The following EPHB2 variants were observed in gnomAD, a reference collection of about 807,000 sequenced individuals.
EPHB2 encodes ephrin type-B receptor 2.
In EPHB2, 18 loss-of-function variants were observed where a neutral mutation model predicts 96.4. The observed-to-expected ratio is 0.19, with a 90% CI of 0.13 to 0.28. The LOEUF is 0.28. Ranked by LOEUF, EPHB2 falls within the 10% of genes least tolerant of loss-of-function variation. EPHB2 has a pLI of 1.00. For synonymous variants in EPHB2, 506 were observed against 534.1 expected (o/e 0.95, Z 0.72); for missense variants, 989 against 1,355.4 (o/e 0.73, Z 4.25).
At chr1:22,728,844 T>G (rs1220746355) in intron 1 of EPHB2, among the ~76,000 whole-genome samples, 1 of 152,224 alleles carries the variant, frequency 6.6e-6, no homozygotes, top group Non-Finnish European at 1.5e-5. Context: ...ACTTGCTTCC[T>G]TAGGGGCCCT....
rs377206396 is a variant in EPHB2, at chr1:22,913,748, G to A, written c.*178G>A. 1.5e-4 allele frequency: 237 copies of A among 1,601,574 alleles called. No individual in the cohort carries two copies. Among genetic ancestry groups the A allele is most frequent in the Middle Eastern group, 5.0e-4 (3 of 6,056 alleles). Reference sequence around the variant, plus strand: ...CACCAAGAAAACATGCAACTCAAACGACGGAAAAAAAAAGGGAATGGGAAA... The same window carrying A: ...CACCAAGAAAACATGCAACTCAAACAACGGAAAAAAAAAGGGAATGGGAAA... On this transcript the variant is annotated 3_prime_UTR_variant, in exon 16 of 16. Coordinates refer to ENST00000374630, the MANE Select transcript of EPHB2 (RefSeq NM_017449.5). This position sits in a 1 kb window ranked among gnomAD's most constrained non-coding sequence, Gnocchi z 4.1.
intron 3 of EPHB2, among the ~76,000 whole-genome samples, chr1:22,851,939 G>C (rs1224816334): frequency 6.6e-6 from 1 of 152,222 alleles, no homozygotes; most frequent in Non-Finnish European, 1.5e-5. Context: ...TCAGTGCCCT[G>C]AGCACTTTTA....
intron 1 of EPHB2, chr1:22,775,374 T>A: frequency 1.4e-6 from 1 of 693,820 alleles, no homozygotes; most frequent in Non-Finnish European, 2.7e-6. Flanking sequence ...TATAGGTGCT[T>A]AATGAAAGTT....
At chr1:22,732,957 G>A (rs1643750116) in intron 1 of EPHB2, among the ~76,000 whole-genome samples, 4 of 152,228 alleles carry the variant, frequency 2.6e-5, no homozygotes, top group African/African-American at 9.6e-5. Context: ...TCAAAGAGAT[G>A]AAAGGATTTG....
At chr1:22,817,154 C>T (rs751022) in intron 3 of EPHB2, among the ~76,000 whole-genome samples, 32,579 of 152,152 alleles carry the variant, frequency 0.21, 3,584 homozygotes, top group South Asian at 0.33. Context: ...CAGGCCTGCT[C>T]CCTCCACAGG....
At chr1:22,754,530 CAG>C (rs1644113250) in intron 1 of EPHB2, among the ~76,000 whole-genome samples, 1 of 151,582 alleles carries the variant, frequency 6.6e-6, no homozygotes, top group Non-Finnish European at 1.5e-5. Context: ...CTCAGGGGAC[CAG>C]AGAGGGGCCC....
chr1:22,764,229 C>T (rs992638476), intron 1 of EPHB2, among the ~76,000 whole-genome samples: 3 of 152,066 alleles, frequency 2.0e-5, no homozygotes, highest in Non-Finnish European at 4.4e-5. Context: ...TCATAACATC[C>T]GCTTATTGAG....
In EPHB2 at chr1:22,875,589, C is replaced by A. The variant is rs1158319137; in HGVS notation, c.1304-6770C>A. ...CAGAAAAGGGGAGAATCTGTCTGGT[C>A]CCCGCTTTTCCCTTTCTCCCTTCCT... On this transcript the variant is annotated intron_variant, in intron 5 of 15. Coordinates refer to ENST00000374630, the MANE Select transcript of EPHB2 (RefSeq NM_017449.5). The surrounding 1 kb of genome is among the most constrained non-coding windows in gnomAD (Gnocchi z 4.2). Among the ~76,000 whole-genome samples the A allele has an allele frequency of 6.6e-6, 1 of 152,152 alleles. No individual in the cohort carries two copies. The highest frequency in any genetic ancestry group is 1.9e-4 in the East Asian group (1 of 5,184).
intron 11 of EPHB2, 130 bp from the exon 12 acceptor site, chr1:22,907,823 T>A: frequency 1.7e-6 from 2 of 1,144,962 alleles, no homozygotes; most frequent in Non-Finnish European, 1.3e-6. Context: ...CCAAAGCATC[T>A]GAGTCCTTCC....
intron 3 of EPHB2, among the ~76,000 whole-genome samples, chr1:22,813,693 G>A (rs1158348779): frequency 6.6e-6 from 1 of 152,230 alleles, no homozygotes; most frequent in African/African-American, 2.4e-5. Context: ...CACAGCAAGT[G>A]ACTTCACTCT....
At chr1:22,770,157 G>A (rs184768888) in intron 1 of EPHB2, among the ~76,000 whole-genome samples, 10 of 152,134 alleles carry the variant, frequency 6.6e-5, no homozygotes, top group Non-Finnish European at 1.3e-4. Context: ...GTACACGGGC[G>A]GGCAGATGGA....
Position 22,785,048 on chromosome 1 carries a change from G to A in EPHB2, c.783G>A (p.Glu261=). 2 of 1,613,648 alleles carry A rather than the reference G, an allele frequency of 1.2e-6. No individual in the cohort carries two copies. Among genetic ancestry groups the A allele is most frequent in the Non-Finnish European group, 1.7e-6 (2 of 1,180,048 alleles). ...GCTGCATGTGCAAAGCAGGCTTCGA[G>A]GCCGTTGAGAATGGCACCGTCTGCC... ...IGRCMCKAGF[E]AVENGTVCRG... The change falls in exon 3 of 16, where the codon GAG becomes GAA. Residue 261 remains glutamate, a synonymous_variant. Transcript: ENST00000374630.
intron 3 of EPHB2, among the ~76,000 whole-genome samples, chr1:22,813,184 G>C (rs1184225270): frequency 6.6e-6 from 1 of 152,152 alleles, no homozygotes; most frequent in African/African-American, 2.4e-5. Flanking sequence ...AGGTTCTCTT[G>C]TTTTGAGGTG....
chr1:22,763,476 C>T (rs931950311), intron 1 of EPHB2, among the ~76,000 whole-genome samples: 14 of 152,088 alleles, frequency 9.2e-5, no homozygotes, highest in Admixed American at 2.6e-4. Flanking sequence ...GACAGGCACA[C>T]GGTGGAGGTG....
chr1:22,879,967 G>A (rs17436434), intron 5 of EPHB2, among the ~76,000 whole-genome samples: 2,897 of 152,296 alleles, frequency 0.019, 152 homozygotes, highest in Admixed American at 0.11. Context: ...CATCTGGAGT[G>A]TCTCGGGACA....
In EPHB2 at chr1:22,917,395, G is replaced by C. The variant is rs1437245656; in HGVS notation, c.*3825G>C. The C allele has an allele frequency of 6.6e-6, 1 of 152,260 alleles. No individual in the cohort carries two copies. Among genetic ancestry groups the C allele is most frequent in the Non-Finnish European group, 1.5e-5 (1 of 68,070 alleles). The allele number at this position is 152,260 out of a possible 1,614,324, so 9.4% of individuals were successfully genotyped here. A position where few individuals can be genotyped will look rare whatever the true frequency, so the allele number is the denominator to read the frequency against. On this transcript the variant is annotated 3_prime_UTR_variant, in exon 16 of 16. Transcript: ENST00000374630. ...CACTCCAGGGCCCCTGTTGTTTGAA[G>C]ATGGTACCAAAGGCTGGAAGACTCT... is the stretch of plus-strand genomic sequence containing the variant.
chr1:22,827,431 G>T (rs183674683), intron 3 of EPHB2, among the ~76,000 whole-genome samples: 2 of 152,296 alleles, frequency 1.3e-5, no homozygotes, highest in Admixed American at 6.5e-5. Flanking sequence ...TCTCCGCAAG[G>T]GTCCAGTGGC....
chr1:22,746,708 G>A (rs540453353), intron 1 of EPHB2, among the ~76,000 whole-genome samples: 88 of 152,300 alleles, frequency 5.8e-4, no homozygotes, highest in African/African-American at 1.9e-3. Flanking sequence ...CCTTCTGCAC[G>A]GGAGGCCTCA....
At chr1:22,800,702 ATG>A (rs59671872) in intron 3 of EPHB2, among the ~76,000 whole-genome samples, 2,224 of 148,750 alleles carry the variant, frequency 0.015, 50 homozygotes, top group African/African-American at 0.048. Flanking sequence ...GTGTGAGTAT[ATG>A]TGTGTGTGTG....
Sources: allele counts gnomAD v4.1 joint callset (sites outside exome capture counted in the v4.1 genomes callset), GRCh38; gene constraint gnomAD v4.1.1; non-coding constraint Gnocchi (gnomAD v3.1); transcripts MANE v1.5; gene names NCBI Gene and HGNC (gene_info 2026-07-23, HGNC 2026-07-21).